The following PRKN variants were observed in gnomAD, a reference collection of about 807,000 sequenced individuals.
The protein encoded by PRKN is parkin RBR E3 ubiquitin protein ligase.
PRKN carries 56 observed loss-of-function variants against 59.5 expected under a neutral mutation model. That is an observed-to-expected ratio of 0.94 (90% CI 0.76 to 1.18). The LOEUF (loss-of-function observed/expected upper bound fraction) is 1.18, where lower values mean the gene tolerates loss of function less well. PRKN is among the 50% of genes most tolerant of loss of function. The pLI is 0.00. For synonymous variants in PRKN, 250 were observed against 222.1 expected (o/e 1.13, Z -1.12); for missense variants, 657 against 596.4 (o/e 1.10, Z -1.06).
At chr6:162,378,043 C>A (rs973687084) in intron 2 of PRKN, among the ~76,000 whole-genome samples, 7 of 152,106 alleles carry the variant, frequency 4.6e-5, no homozygotes, top group African/African-American at 1.7e-4. Context: ...CCTTTCTCGT[C>A]GGGATTCACA....
chr6:162,196,702 A>G (rs1473637018), intron 4 of PRKN, among the ~76,000 whole-genome samples: 1 of 152,226 alleles, frequency 6.6e-6, no homozygotes, highest in Non-Finnish European at 1.5e-5. Flanking sequence ...TTCAGACATC[A>G]GTTCCCCATG....
intron 1 of PRKN, among the ~76,000 whole-genome samples, chr6:162,677,285 G>C (rs1779590218): frequency 6.6e-6 from 1 of 151,778 alleles, no homozygotes; most frequent in Non-Finnish European, 1.5e-5. Flanking sequence ...TTAATAAAAA[G>C]ACAGACGGGC....
chr6:161,916,843 G>C (rs1778579080), intron 6 of PRKN, among the ~76,000 whole-genome samples: 1 of 152,014 alleles, frequency 6.6e-6, no homozygotes, highest in Non-Finnish European at 1.5e-5. Flanking sequence ...CTGTCACCCA[G>C]GCTGGAATGC....
chr6:161,392,131 G>T (rs1476626936), intron 9 of PRKN, among the ~76,000 whole-genome samples: 2 of 151,908 alleles, frequency 1.3e-5, no homozygotes. Flanking sequence ...TAGAGACGGG[G>T]TTTCACCGTC....
At chr6:161,730,174 T>G (rs868589627) in intron 7 of PRKN, among the ~76,000 whole-genome samples, 4 of 151,462 alleles carry the variant, frequency 2.6e-5, no homozygotes, top group Non-Finnish European at 5.9e-5. Flanking sequence ...CTTTCTGATG[T>G]GTTGCATTCT....
At chr6:161,641,831 G>A (rs1313593854) in intron 7 of PRKN, among the ~76,000 whole-genome samples, 1 of 152,192 alleles carries the variant, frequency 6.6e-6, no homozygotes, top group African/African-American at 2.4e-5. Context: ...CCATCCTGAT[G>A]GGCTGGGTAG....
At chr6:162,381,533 A>AATCCCC (rs542874855) in intron 2 of PRKN, among the ~76,000 whole-genome samples, 127 of 152,316 alleles carry the variant, frequency 8.3e-4, no homozygotes, top group Non-Finnish European at 1.5e-3. Context: ...AGTAGCTTAA[A>AATCCCC]ATCCCCATCT....
intron 1 of PRKN, among the ~76,000 whole-genome samples, chr6:162,622,682 G>A (rs922987285): frequency 2.6e-5 from 4 of 152,078 alleles, no homozygotes; most frequent in African/African-American, 9.7e-5. Context: ...ACATTGATTT[G>A]TATGGGTAAT....
intron 1 of PRKN, among the ~76,000 whole-genome samples, chr6:162,628,033 C>T (rs1265445976): frequency 6.6e-6 from 1 of 151,968 alleles, no homozygotes; most frequent in Admixed American, 6.6e-5. Context: ...ATGAGGTCGA[C>T]AGAAGAAAAT....
chr6:161,692,947 CAAAAAA>C (rs59954623), intron 7 of PRKN, among the ~76,000 whole-genome samples: 69,643 of 120,922 alleles, frequency 0.58, 17,377 homozygotes, highest in East Asian at 0.63. Flanking sequence ...GACTCTGTCT[CAAAAAA>C]AAAAAAAAAA....
In PRKN at chr6:162,415,108, C is replaced by T. The variant is rs189454570; in HGVS notation, c.171+28202G>A. ...CTTCACTTCTGAATGTTTCTGAAATCGAAGATGCGGCAGAACCATCAATTC... is the reference window on the plus strand; with the variant it reads ...CTTCACTTCTGAATGTTTCTGAAATTGAAGATGCGGCAGAACCATCAATTC... On this transcript the variant is annotated intron_variant, in intron 2 of 11. Transcript: ENST00000366898. Among the ~76,000 whole-genome samples the T allele has an allele frequency of 2.2e-3, 335 of 152,244 alleles. 1 individual carries two copies. The highest frequency in any genetic ancestry group is 7.1e-3 in the African/African-American group (293 of 41,540).
At chr6:161,570,046 G>A (rs557553042) in intron 7 of PRKN, among the ~76,000 whole-genome samples, 12 of 144,300 alleles carry the variant, frequency 8.3e-5, no homozygotes, top group Non-Finnish European at 1.5e-4. Flanking sequence ...TCACTTTCTC[G>A]TTCCACCCAA....
intron 6 of PRKN, among the ~76,000 whole-genome samples, chr6:161,796,682 C>A (rs572374811): frequency 1.3e-5 from 2 of 152,254 alleles, no homozygotes; most frequent in East Asian, 3.9e-4. Flanking sequence ...AGTCCAAGTT[C>A]TTCAGACTCT....
intron 1 of PRKN, among the ~76,000 whole-genome samples, chr6:162,548,210 C>T (rs1779195373): frequency 6.6e-6 from 1 of 152,080 alleles, no homozygotes; most frequent in African/African-American, 2.4e-5. Context: ...CAGGTGCACG[C>T]CACTACGCCC....
chr6:162,262,398 G>A (rs565157860), intron 3 of PRKN, 127 bp downstream of exon 3: 5 of 1,079,094 alleles, frequency 4.6e-6, no homozygotes, highest in South Asian at 2.5e-5. Context: ...TCTCCTTGTA[G>A]TGAATTAGAG....
At chr6:161,863,326 A>T (rs59914664) in intron 6 of PRKN, among the ~76,000 whole-genome samples, 5,929 of 69,428 alleles carry the variant, frequency 0.085, 414 homozygotes, top group African/African-American at 0.2. Context: ...TGGATTTATT[A>T]AAAAAAAAAA....
intron 3 of PRKN, among the ~76,000 whole-genome samples, chr6:162,255,571 T>TTGC (rs1314971114): frequency 6.6e-6 from 1 of 152,138 alleles, no homozygotes; most frequent in Non-Finnish European, 1.5e-5. Context: ...AAACTCCCAA[T>TTGC]TGCTGCTGCT....
intron 4 of PRKN, among the ~76,000 whole-genome samples, chr6:162,181,549 A>G (rs1783804732): frequency 6.6e-6 from 1 of 152,194 alleles, no homozygotes; most frequent in Non-Finnish European, 1.5e-5. Context: ...AAATGCATAA[A>G]GAGGGTCAGG....
At chr6:161,737,317 C>T (rs1440138820) in intron 7 of PRKN, among the ~76,000 whole-genome samples, 1 of 152,092 alleles carries the variant, frequency 6.6e-6, no homozygotes, top group Non-Finnish European at 1.5e-5. Context: ...TAGGATGGAG[C>T]GATGAGGACA....
Sources: gnomAD v4.1 joint callset for allele counts (sites outside exome capture counted in the v4.1 genomes callset) on GRCh38, gnomAD v4.1.1 for gene constraint, MANE v1.5 for transcripts, NCBI Gene and HGNC (gene_info 2026-07-23, HGNC 2026-07-21) for gene names.